Variants in PRELID2 observed in about 807,000 individuals in gnomAD.
PRELID2 encodes the protein PRELI domain containing 2, also known as PRELI domain-containing protein 2.
PRELID2 carries 25 observed loss-of-function variants against 28.4 expected under a neutral mutation model. The ratio of observed to expected loss-of-function variants is 0.88; its 90% CI spans 0.64 to 1.23. PRELID2 has a LOEUF of 1.23. Among genes scored for constraint, PRELID2 ranks in the 50% most tolerant of loss-of-function variants. The pLI is 0.00. For synonymous variants in PRELID2, 76 were observed against 71.6 expected (o/e 1.06, Z -0.31); for missense variants, 201 against 214.4 (o/e 0.94, Z 0.39).
At chr5:145,538,330 G>A (rs1752719321) in intron 1 of PRELID2, among the ~76,000 whole-genome samples, 1 of 151,752 alleles carries the variant, frequency 6.6e-6, no homozygotes. Context: ...CATACTTGGG[G>A]TCCTTTGTGT....
At chr5:145,528,098 G>A (rs1752624362) in intron 1 of PRELID2, among the ~76,000 whole-genome samples, 1 of 152,048 alleles carries the variant, frequency 6.6e-6, no homozygotes, top group Admixed American at 6.6e-5. Context: ...CTCAATGCAA[G>A]CATCACTTTC....
At chr5:145,546,689 G>C (rs1260522934) in intron 1 of PRELID2, among the ~76,000 whole-genome samples, 1 of 152,162 alleles carries the variant, frequency 6.6e-6, no homozygotes, top group Non-Finnish European at 1.5e-5. Flanking sequence ...TTTCTCTCCT[G>C]CCATGATTCC....
chr5:145,600,326 G>C (rs1016768416), intron 1 of PRELID2, among the ~76,000 whole-genome samples: 1 of 150,730 alleles, frequency 6.6e-6, no homozygotes, highest in Non-Finnish European at 1.5e-5. Flanking sequence ...TGCATTGCTA[G>C]GATAGCAATC....
the PRELID2 span, among the ~76,000 whole-genome samples, chr5:145,374,393 T>G: frequency 6.6e-6 from 1 of 152,176 alleles, no homozygotes; most frequent in African/African-American, 2.4e-5. Flanking sequence ...ACCTGGCCTT[T>G]CACTCTGGCT....
chr5:145,768,426 G>T (rs762539127), intron 5 of PRELID2, among the ~76,000 whole-genome samples: 1 of 152,134 alleles, frequency 6.6e-6, no homozygotes, highest in Non-Finnish European at 1.5e-5. Context: ...AATGGTGAAT[G>T]AACAAGATAG....
At chr5:145,428,269 A>G in the PRELID2 span, among the ~76,000 whole-genome samples, 1 of 152,134 alleles carries the variant, frequency 6.6e-6, no homozygotes, top group East Asian at 1.9e-4. Context: ...AAACAATTCA[A>G]TTTCTACTTC....
At chr5:145,597,116 T>A (rs995508594) in intron 1 of PRELID2, among the ~76,000 whole-genome samples, 2 of 152,174 alleles carry the variant, frequency 1.3e-5, no homozygotes, top group Non-Finnish European at 2.9e-5. Context: ...AATATTGATA[T>A]GAAAATTAAA....
chr5:145,822,183 A>G lies in PRELID2; in HGVS notation c.133+894T>C, dbSNP rs1754876459. ...CCCCAGTGTCCCCAAAGCTTTGTAC[A>G]TTGACTATGTGCATTGTCACAGCTT... On this transcript the variant is annotated intron_variant, in intron 2 of 6. Coordinates refer to ENST00000683046, the MANE Select transcript of PRELID2 (RefSeq NM_205846.3). Among the ~76,000 whole-genome samples the G allele has an allele frequency of 4.6e-5, 7 of 152,276 alleles. No homozygotes were observed. The South Asian group carries it at 1.2e-3, about 27-fold the overall frequency.
At chr5:145,642,679 A>C (rs939131749) in intron 1 of PRELID2, among the ~76,000 whole-genome samples, 1 of 151,966 alleles carries the variant, frequency 6.6e-6, no homozygotes, top group Non-Finnish European at 1.5e-5. Flanking sequence ...ATCCATCTTG[A>C]GTTGATTTTT....
the PRELID2 span, among the ~76,000 whole-genome samples, chr5:145,396,270 T>C: frequency 6.6e-6 from 1 of 152,194 alleles, no homozygotes; most frequent in Non-Finnish European, 1.5e-5. Flanking sequence ...TAATTGAGCC[T>C]GAAAATGCAG....
chr5:145,458,499 A>G, the PRELID2 span, among the ~76,000 whole-genome samples: 1 of 152,170 alleles, frequency 6.6e-6, no homozygotes, highest in Non-Finnish European at 1.5e-5. Context: ...TTTTGCTCAC[A>G]AGGGAATATT....
At chr5:145,397,800 C>G in the PRELID2 span, among the ~76,000 whole-genome samples, 2 of 152,088 alleles carry the variant, frequency 1.3e-5, no homozygotes, top group Non-Finnish European at 2.9e-5. Flanking sequence ...TTAAAATGGT[C>G]AGAGAAGCGA....
At chr5:145,402,405 A>G in the PRELID2 span, among the ~76,000 whole-genome samples, 9 of 152,202 alleles carry the variant, frequency 5.9e-5, no homozygotes, top group South Asian at 2.1e-4. Context: ...GATTGTTTAT[A>G]TATGAAACAT....
At chr5:145,563,732 T>C (rs1291866792) in intron 1 of PRELID2, among the ~76,000 whole-genome samples, 1 of 152,156 alleles carries the variant, frequency 6.6e-6, no homozygotes, top group African/African-American at 2.4e-5. Context: ...AAAAGTTAAA[T>C]AGACCCAAGC....
At chr5:145,541,627 T>C (rs1056734565) in intron 1 of PRELID2, among the ~76,000 whole-genome samples, 3 of 152,092 alleles carry the variant, frequency 2.0e-5, no homozygotes, top group African/African-American at 7.2e-5. Context: ...ACATATGCAT[T>C]GTATAGTTTT....
chr5:145,395,602 T>A, the PRELID2 span, among the ~76,000 whole-genome samples: 1 of 152,190 alleles, frequency 6.6e-6, no homozygotes, highest in Non-Finnish European at 1.5e-5. Context: ...TGTTGCGTGG[T>A]ATTGAGTAAA....
rs547142885 is a variant in PRELID2, at chr5:145,576,487, A to G, written n.71-103172T>C. On this transcript the variant is annotated intron_variant and non_coding_transcript_variant, in intron 1 of 2. Transcript: ENST00000510259. ...AGCTGAATAATATGTTATTGTACAG[A>G]CATACCATATTTTATTTATCCACTC... Among the ~76,000 whole-genome samples, 21 of 152,308 alleles carry G rather than the reference A, an allele frequency of 1.4e-4. No individual in the cohort carries two copies. In the South Asian group the frequency reaches 4.3e-3, roughly 32 times the overall value.
chr5:145,485,662 C>G (rs1752210789), intron 1 of PRELID2, among the ~76,000 whole-genome samples: 1 of 152,188 alleles, frequency 6.6e-6, no homozygotes, highest in African/African-American at 2.4e-5. Flanking sequence ...ACCCACCCAT[C>G]CATTCCACTC....
At chr5:145,409,531 T>C in the PRELID2 span, among the ~76,000 whole-genome samples, 3 of 152,038 alleles carry the variant, frequency 2.0e-5, no homozygotes, top group Admixed American at 2.0e-4. Context: ...TGGAAAAAGA[T>C]AGTCCATGAA....
Sources: gnomAD v4.1 joint callset for allele counts (sites outside exome capture counted in the v4.1 genomes callset) on GRCh38, gnomAD v4.1.1 for gene constraint, MANE v1.5 for transcripts, NCBI Gene and HGNC (gene_info 2026-07-23, HGNC 2026-07-21) for gene names.